Variants in CUL1 observed in about 807,000 individuals in gnomAD.
CUL1 encodes cullin 1.
In CUL1, 24 loss-of-function variants were observed where a neutral mutation model predicts 118.0. The observed-to-expected ratio is 0.20, with a 90% confidence interval of 0.15 to 0.29. The LOEUF is 0.29. Ranked by LOEUF, CUL1 falls within the 10% of genes least tolerant of loss-of-function variation. The pLI, the probability that CUL1 is intolerant of heterozygous loss-of-function variation, is 1.00. For missense variants in CUL1, 361 were observed against 933.8 expected (o/e 0.39, Z 7.99); for synonymous variants, 332 against 340.4 (o/e 0.98, Z 0.27).
chr7:148,786,676 C>A, intron 12 of CUL1, 77 bp downstream of exon 12: 2 of 1,166,654 alleles, frequency 1.7e-6, no homozygotes, highest in Non-Finnish European at 2.5e-6. Flanking sequence ...TTGTAGATGG[C>A]CTCTGAAATG....
In CUL1 at chr7:148,783,849, G is replaced by A. The variant is rs1378083870; in HGVS notation, c.1150G>A (p.Ala384Thr). Residue 384 changes from alanine (A) to threonine (T), a missense_variant, in exon 10 of 22, where the codon GCA (alanine) becomes ACA (threonine). By Grantham distance (58) the Ala-to-Thr change is moderately conservative. This residue lies in a region of CUL1 where 169 missense variants were observed against 429.7 expected (regional missense o/e 0.39). Coordinates refer to ENST00000325222, the MANE Select transcript of CUL1 (RefSeq NM_003592.3). ...AAAATACAATGCCCTGGTAATGTCT[G>A]CATTCAACAATGACGCTGGCTTTGT... ...HKKYNALVMS[A>T]FNNDAGFVAA... 6.2e-7 allele frequency: 1 copy of A among 1,614,070 alleles called. No homozygotes were observed. Among genetic ancestry groups the A allele is most frequent in the African/African-American group, 1.3e-5 (1 of 74,906 alleles).
chr7:148,771,769 A>G (rs958855539), intron 9 of CUL1, among the ~76,000 whole-genome samples: 9 of 152,226 alleles, frequency 5.9e-5, no homozygotes, highest in African/African-American at 2.2e-4. Flanking sequence ...TTAATAGGCA[A>G]GTAACCCCAT....
chr7:148,699,978 C>T, intron 1 of CUL1, among the ~76,000 whole-genome samples: 1 of 152,270 alleles, frequency 6.6e-6, no homozygotes, highest in African/African-American at 2.4e-5. Flanking sequence ...GTAGCGCAGA[C>T]ATAAGATAAG....
chr7:148,780,168 A>G (rs1198977072), intron 9 of CUL1, among the ~76,000 whole-genome samples: 1 of 152,202 alleles, frequency 6.6e-6, no homozygotes, highest in Non-Finnish European at 1.5e-5. Context: ...TGACTAACAC[A>G]CAAGTATACC....
intron 9 of CUL1, among the ~76,000 whole-genome samples, chr7:148,778,374 T>C (rs1216737923): frequency 1.3e-5 from 2 of 152,152 alleles, no homozygotes; most frequent in Non-Finnish European, 1.5e-5. Context: ...GGTGGGAACC[T>C]CAGAACCATG....
At chr7:148,704,901 A>G (rs1317901731) in intron 1 of CUL1, among the ~76,000 whole-genome samples, 2 of 152,208 alleles carry the variant, frequency 1.3e-5, no homozygotes, top group African/African-American at 4.8e-5. Context: ...ATCCCAAAAC[A>G]GGAGAAGCAG....
intron 2 of CUL1, among the ~76,000 whole-genome samples, chr7:148,751,479 G>C (rs200559326): frequency 6.9e-6 from 1 of 145,104 alleles, no homozygotes; most frequent in East Asian, 2.1e-4. Flanking sequence ...AGGTTGCAGT[G>C]AGCCGAGATT....
chr7:148,724,425 T>A (rs1045838022), intron 1 of CUL1, among the ~76,000 whole-genome samples: 1 of 152,200 alleles, frequency 6.6e-6, no homozygotes, highest in Non-Finnish European at 1.5e-5. Context: ...AAGTGAAGTA[T>A]AACTGTGGCG....
intron 9 of CUL1, among the ~76,000 whole-genome samples, chr7:148,781,201 C>T (rs967971292): frequency 3.3e-5 from 5 of 151,294 alleles, no homozygotes; most frequent in African/African-American, 1.2e-4. Context: ...CTGCCTCAGC[C>T]TCCCGAGTAG....
chr7:148,753,917 T>G (rs1799574206), intron 2 of CUL1, 59 bp from the exon 3 acceptor site: 2 of 1,290,084 alleles, frequency 1.6e-6, no homozygotes. Context: ...GAAAATATGT[T>G]TATGTTAATG....
At chr7:148,745,063 T>C (rs375479112) in intron 2 of CUL1, among the ~76,000 whole-genome samples, 24 of 152,170 alleles carry the variant, frequency 1.6e-4, no homozygotes, top group African/African-American at 4.8e-4. Context: ...TTTTAATCTT[T>C]TTTTTCCTCT....
At chr7:148,716,270 T>G (rs1334702328) in intron 1 of CUL1, among the ~76,000 whole-genome samples, 4 of 152,304 alleles carry the variant, frequency 2.6e-5, no homozygotes, top group South Asian at 4.1e-4. Flanking sequence ...GATCTAGTAG[T>G]TATAGACTTT....
chr7:148,735,585 G>A (rs950898183), intron 2 of CUL1, among the ~76,000 whole-genome samples: 4 of 152,226 alleles, frequency 2.6e-5, no homozygotes, highest in African/African-American at 9.6e-5. Flanking sequence ...ATCCATGTCT[G>A]TTTTAGAATA....
At chr7:148,723,290 G>A (rs2129459385) in intron 1 of CUL1, among the ~76,000 whole-genome samples, 1 of 152,308 alleles carries the variant, frequency 6.6e-6, no homozygotes, top group East Asian at 1.9e-4. Flanking sequence ...TTCCCCTGAG[G>A]AACTGTGGTT....
intron 17 of CUL1, 50 bp downstream of exon 17, chr7:148,792,868 C>A: frequency 7.6e-7 from 1 of 1,324,016 alleles, no homozygotes; most frequent in Non-Finnish European, 1.1e-6. Flanking sequence ...TTTCCTTGTT[C>A]TCGTGGATAT....
At chr7:148,798,821 G>A (rs751756362) in intron 20 of CUL1, 144 bp downstream of exon 20, 6 of 709,194 alleles carry the variant, frequency 8.5e-6, no homozygotes, top group Admixed American at 2.2e-5. Context: ...TGGCAAGGCC[G>A]AGAGCCAGGG....
intron 5 of CUL1, 86 bp downstream of exon 5, chr7:148,759,440 G>T: frequency 6.8e-7 from 1 of 1,474,604 alleles, no homozygotes; most frequent in Non-Finnish European, 9.5e-7. Context: ...CACTCCTTCG[G>T]ATTATCCCAT....
rs192888518 is a variant in CUL1, at chr7:148,781,728, G to A, written c.1084-2055G>A. Among the ~76,000 whole-genome samples, 5 of 152,314 alleles carry A rather than the reference G, an allele frequency of 3.3e-5. No homozygotes were observed. In the East Asian group the frequency reaches 5.8e-4, roughly 18 times the overall value. On this transcript the variant is annotated intron_variant, in intron 9 of 21. Coordinates refer to ENST00000325222, the MANE Select transcript of CUL1 (RefSeq NM_003592.3). ...TGAGTAAGTTGAGGCTGGCGTTTTC[G>A]GGAATGAGGGTGAAGGCGTGTGGCA...
At chr7:148,786,170 A>C (rs188056951) in intron 11 of CUL1, among the ~76,000 whole-genome samples, 1 of 152,204 alleles carries the variant, frequency 6.6e-6, no homozygotes, top group African/African-American at 2.4e-5. Context: ...AAGGGAATCT[A>C]TGTGCCTTTT....
Sources: allele counts gnomAD v4.1 joint callset (sites outside exome capture counted in the v4.1 genomes callset), GRCh38; gene constraint gnomAD v4.1.1; regional missense constraint gnomAD v4.1.1; transcripts MANE v1.5; gene names NCBI Gene and HGNC (gene_info 2026-07-23, HGNC 2026-07-21).